PPP1R42: variants seen among roughly 807,000 people sequenced by gnomAD.
PPP1R42 encodes the protein protein phosphatase 1 regulatory subunit 42, also known as leucine rich repeat containing 67.
In PPP1R42, 34 loss-of-function variants were observed where a neutral mutation model predicts 31.0. The ratio of observed to expected loss-of-function variants is 1.10; its 90% CI spans 0.83 to 1.46. The LOEUF (loss-of-function observed/expected upper bound fraction) is 1.46, where lower values mean the gene tolerates loss of function less well. Among genes scored for constraint, PPP1R42 ranks in the 40% most tolerant of loss-of-function variants. The probability of loss-of-function intolerance (pLI) is 0.00; values close to 1 mark genes in which losing one functional copy is unlikely to be tolerated. For synonymous variants in PPP1R42, 103 were observed against 109.8 expected, an observed-to-expected ratio of 0.94 and a Z score of 0.39; for missense variants, 268 against 303.0, an observed-to-expected ratio of 0.88 and a Z score of 0.86.
At chr8:66,995,306 T>C (rs1815304678) in intron 5 of PPP1R42, among the ~76,000 whole-genome samples, 1 of 152,238 alleles carries the variant, frequency 6.6e-6, no homozygotes, top group African/African-American at 2.4e-5. Flanking sequence ...ATTTCAAACA[T>C]ATCCTGGGCA....
At chr8:67,012,894 T>C in intron 4 of PPP1R42, 64 bp downstream of exon 4, 1 of 1,453,350 alleles carries the variant, frequency 6.9e-7, no homozygotes, top group Non-Finnish European at 9.2e-7. Context: ...TTCACCACAT[T>C]CCTGTTTCAT....
intron 6 of PPP1R42, among the ~76,000 whole-genome samples, chr8:66,986,784 C>T (rs2130929856): frequency 6.6e-6 from 1 of 152,300 alleles, no homozygotes; most frequent in Admixed American, 6.5e-5. Flanking sequence ...TGTGCTCAAA[C>T]ATAGCCTTTC....
chr8:66,986,994 C>T (rs957152346), intron 6 of PPP1R42, among the ~76,000 whole-genome samples: 1 of 152,074 alleles, frequency 6.6e-6, no homozygotes, highest in African/African-American at 2.4e-5. Flanking sequence ...TGAAACCCCG[C>T]CTCTACTCTA....
intron 6 of PPP1R42, among the ~76,000 whole-genome samples, chr8:66,983,218 T>C (rs1814900061): frequency 6.6e-6 from 1 of 152,170 alleles, no homozygotes; most frequent in Admixed American, 6.5e-5. Flanking sequence ...TATATATGTA[T>C]ATAAAATTGG....
chr8:66,985,882 A>G, intron 6 of PPP1R42: 1 of 1,065,094 alleles, frequency 9.4e-7, no homozygotes, highest in Middle Eastern at 2.2e-4. Flanking sequence ...CCTTCTCAAA[A>G]TGGGGTATTT....
At chr8:66,990,207 A>G (rs1369209039) in intron 5 of PPP1R42, among the ~76,000 whole-genome samples, 1 of 152,168 alleles carries the variant, frequency 6.6e-6, no homozygotes, top group Admixed American at 6.6e-5. Context: ...CTAAAAACCT[A>G]TAAGGAAGGG....
At chr8:67,007,969 C>A (rs144721071) in intron 5 of PPP1R42, among the ~76,000 whole-genome samples, 2,295 of 150,260 alleles carry the variant, frequency 0.015, 57 homozygotes, top group African/African-American at 0.052. Context: ...TCACTGCAAC[C>A]TTCGCCTCCC....
At chr8:66,989,101 C>T (rs929779450) in intron 5 of PPP1R42, among the ~76,000 whole-genome samples, 3 of 151,950 alleles carry the variant, frequency 2.0e-5, no homozygotes, top group Admixed American at 6.6e-5. Context: ...TAGGGACTTT[C>T]GGGAGGGTAC....
At chr8:66,984,809 C>T in intron 6 of PPP1R42, 3 of 1,606,214 alleles carry the variant, frequency 1.9e-6, no homozygotes, top group Non-Finnish European at 2.6e-6. Flanking sequence ...ACTTTGGGTT[C>T]TGGAGGAGGC....
rs1041295683 is a variant in PPP1R42, at chr8:66,988,231, T to C, written c.670+169A>G. On this transcript the variant is annotated intron_variant, in intron 6 of 7. Coordinates refer to ENST00000685739, the MANE Select transcript of PPP1R42 (RefSeq NM_001364910.1). ...TCTGAACAGCAGATGTTTTTCATGC[T>C]TTATTTGTCAATTTTAACTTTTGCT... 18 of 1,246,220 alleles carry C rather than the reference T, an allele frequency of 1.4e-5. No individual in the cohort carries two copies. In the African/African-American group the frequency reaches 2.5e-4, roughly 17 times the overall value. 77.2% of individuals were successfully genotyped at this position (1,246,220 alleles called of 1,614,324 possible).
chr8:66,964,620 GCTT>G (rs1814331829), intron 7 of PPP1R42, among the ~76,000 whole-genome samples: 1 of 151,966 alleles, frequency 6.6e-6, no homozygotes, highest in Non-Finnish European at 1.5e-5. Context: ...GGTGTCTGGG[GCTT>G]CTTATATTTT....
chr8:66,991,513 G>A (rs1008204718), intron 5 of PPP1R42, among the ~76,000 whole-genome samples: 9 of 152,098 alleles, frequency 5.9e-5, no homozygotes, highest in Non-Finnish European at 1.2e-4. Context: ...CCTCTCTTTC[G>A]CCTTCTCTTC....
intron 5 of PPP1R42, among the ~76,000 whole-genome samples, chr8:66,999,143 G>A (rs754271428): frequency 6.6e-6 from 1 of 151,700 alleles, no homozygotes; most frequent in African/African-American, 2.4e-5. Flanking sequence ...CTGCAGCCTC[G>A]ACTTCCTGGG....
chr8:66,990,464 T>C (rs1273985263), intron 5 of PPP1R42, among the ~76,000 whole-genome samples: 1 of 152,342 alleles, frequency 6.6e-6, no homozygotes, highest in East Asian at 1.9e-4. Context: ...TTCCTGTCTT[T>C]AATAAAAAGC....
At chr8:67,027,776 A>G (rs1816447202) in intron 1 of PPP1R42, among the ~76,000 whole-genome samples, 2 of 152,154 alleles carry the variant, frequency 1.3e-5, no homozygotes, top group Non-Finnish European at 2.9e-5. Context: ...ATTGTGTTCT[A>G]AAGTTTGAGA....
At chr8:66,997,877 C>T (rs150509575) in intron 5 of PPP1R42, among the ~76,000 whole-genome samples, 53 of 152,194 alleles carry the variant, frequency 3.5e-4, no homozygotes, top group African/African-American at 8.9e-4. Flanking sequence ...GTTCTTTTTA[C>T]GCCTTTTCTT....
At chr8:66,998,857 C>G (rs1489121825) in intron 5 of PPP1R42, among the ~76,000 whole-genome samples, 1 of 151,924 alleles carries the variant, frequency 6.6e-6, no homozygotes, top group Non-Finnish European at 1.5e-5. Flanking sequence ...TTCTGAATGC[C>G]AAAACAATCT....
At chr8:67,022,509 A>G (rs1490884684) in intron 1 of PPP1R42, among the ~76,000 whole-genome samples, 4 of 152,148 alleles carry the variant, frequency 2.6e-5, no homozygotes, top group African/African-American at 9.7e-5. Context: ...CTTCTAAAAA[A>G]CAGAAGCTTT....
At chr8:66,980,249 A>G (rs972878300) in intron 7 of PPP1R42, among the ~76,000 whole-genome samples, 2 of 151,938 alleles carry the variant, frequency 1.3e-5, no homozygotes, top group African/African-American at 2.4e-5. Flanking sequence ...TTTTTTTCAG[A>G]TGGGGTCTTG....
Sources: allele counts gnomAD v4.1 joint callset (sites outside exome capture counted in the v4.1 genomes callset), GRCh38; gene constraint gnomAD v4.1.1; transcripts MANE v1.5; gene names NCBI Gene and HGNC (gene_info 2026-07-23, HGNC 2026-07-21).